Variants in FANCA observed in about 807,000 individuals in gnomAD.
The protein encoded by FANCA is FA complementation group A.
FANCA carries 236 observed loss-of-function variants against 194.3 expected under a neutral mutation model. The ratio of observed to expected loss-of-function variants is 1.21; its 90% CI spans 1.09 to 1.35. The LOEUF (loss-of-function observed/expected upper bound fraction) is 1.35. Ranked by LOEUF, FANCA falls within the 40% of genes most tolerant of loss-of-function variation. The pLI is 0.00. For missense variants in FANCA, 2,628 were observed against 1,813.9 expected, an observed-to-expected ratio of 1.45 and a Z score of -8.15; for synonymous variants, 1,014 against 715.8, an observed-to-expected ratio of 1.42 and a Z score of -6.65.
chr16:89,803,147 C>T (rs749701384), intron 8 of FANCA, 112 bp downstream of exon 8: 29 of 1,054,502 alleles, frequency 2.8e-5, no homozygotes, highest in African/African-American at 7.8e-5. Flanking sequence ...ACATGTACCC[C>T]GTAAATAGGT....
Position 89,815,991 on chromosome 16 carries a change from G to C in FANCA, c.80-5C>G, listed in dbSNP as rs777687671. On this transcript the variant is annotated splice_region_variant and splice_polypyrimidine_tract_variant and intron_variant, in intron 1 of 42. Coordinates refer to ENST00000389301, the MANE Select transcript of FANCA (RefSeq NM_000135.4). ...TTTCCCTCTTGACCCTTCCCGCTAC[G>C]GAGAGAAGTCGGTTCGAAACCATCA... 2.5e-6 allele frequency: 4 copies of C among 1,608,262 alleles called. No homozygotes were observed. Among genetic ancestry groups the C allele is most frequent in the Middle Eastern group, 1.7e-4 (1 of 6,050 alleles).
intron 18 of FANCA, 96 bp from the exon 19 acceptor site, chr16:89,779,099 G>T: frequency 2.6e-6 from 3 of 1,175,774 alleles, no homozygotes; most frequent in Non-Finnish European, 2.5e-6. Context: ...GACTGCGAGG[G>T]CTCACTCCAA....
rs2040601499 is a variant in FANCA, at chr16:89,805,370, C to T, written c.619G>A (p.Gly207Arg). 1.2e-6 allele frequency: 2 copies of T among 1,613,820 alleles called. No individual in the cohort carries two copies. Among genetic ancestry groups the T allele is most frequent in the South Asian group, 1.1e-5 (1 of 91,056 alleles). Residue 207 changes from glycine to arginine, a missense_variant, in exon 7 of 43, where the codon GGA becomes AGA. Transcript: ENST00000389301. ...CACAGATTCCTGAAGAGCCACGATCCCACAGCATGCATGTCGGGATGGCTG... is the reference window on the plus strand; with the variant it reads ...CACAGATTCCTGAAGAGCCACGATCTCACAGCATGCATGTCGGGATGGCTG... ...LESHPDMHAV[G>R]SWLFRNLCCL...
Position 89,749,902 on chromosome 16 carries a change from C to T in FANCA, c.3067G>A (p.Glu1023Lys). Reference sequence around the variant, plus strand: ...TGCAGCTCCAGGTCAGCTACCATCTCCTGAAAAAGAGCAGTATGCTGGCAC... The same window carrying T: ...TGCAGCTCCAGGTCAGCTACCATCTTCTGAAAAAGAGCAGTATGCTGGCAC... ...GNEDIISRLQEMVADLELQQD... is the reference protein window; with the variant it reads ...GNEDIISRLQKMVADLELQQD... Residue 1023 changes from glutamate to lysine, a missense_variant and splice_region_variant, in exon 32 of 43, where the codon GAG becomes AAG. Coordinates refer to ENST00000389301, the MANE Select transcript of FANCA (RefSeq NM_000135.4). 1 of 1,614,058 alleles carries T rather than the reference C, an allele frequency of 6.2e-7. No individual in the cohort carries two copies.
At chr16:89,796,675 G>A (rs2040259174) in intron 10 of FANCA, among the ~76,000 whole-genome samples, 2 of 152,164 alleles carry the variant, frequency 1.3e-5, no homozygotes, top group Non-Finnish European at 2.9e-5. Context: ...CTCTCGTGAG[G>A]CTTACAACCT....
chr16:89,774,906 C>T (rs1177980102), intron 21 of FANCA, among the ~76,000 whole-genome samples: 1 of 151,676 alleles, frequency 6.6e-6, no homozygotes, highest in East Asian at 1.9e-4. Flanking sequence ...CCAGCTTGTC[C>T]AACATGGCGA....
At chr16:89,770,145 C>A (rs1237530433) in intron 25 of FANCA, 21 bp downstream of exon 25, 4 of 1,576,404 alleles carry the variant, frequency 2.5e-6, no homozygotes, top group Non-Finnish European at 3.4e-6. Context: ...CAAGGGTGGC[C>A]CCCATGAAGG....
intron 30 of FANCA, among the ~76,000 whole-genome samples, chr16:89,754,897 C>A (rs914268673): frequency 5.9e-5 from 9 of 152,098 alleles, no homozygotes; most frequent in African/African-American, 2.2e-4. Flanking sequence ...CAAGCTCATC[C>A]CAAAATTAAG....
At chr16:89,781,708 G>A (rs1598133713) in intron 17 of FANCA, among the ~76,000 whole-genome samples, 2 of 137,954 alleles carry the variant, frequency 1.4e-5, no homozygotes, top group South Asian at 2.4e-4. Context: ...AGTAAAGAAT[G>A]TTTTCATTAG....
At position 89,792,469 on chromosome 16, in the gene FANCA, A is replaced by C. The variant is rs2040108520; in HGVS notation, c.1083+2T>G. The C allele has an allele frequency of 6.2e-7, 1 of 1,612,784 alleles. No homozygotes were observed. The highest frequency in any genetic ancestry group is 8.5e-7 in the Non-Finnish European group (1 of 1,179,748). ...AGCAGGTATAATACCACATCCACTC[A>C]CCCTGCGGTACAGTGAGGTGAGCAG... is the stretch of plus-strand genomic sequence containing the variant. On this transcript the variant is annotated splice_donor_variant, in intron 12 of 42. Transcript: ENST00000389301. LOFTEE classifies it high-confidence loss of function.
rs56062548 is a variant in FANCA at position 89,796,009 on chromosome 16, C to A, written c.903G>T (p.Val301=). ...CACTGCCAAGCGTGTGTCCACTGAA[C>A]ACTCCGAACCTGCCAATGCAGCAGA... ...THKIVRCWFG[V]FSGHTLGSVI... The change falls in exon 11 of 43, where the codon GTG becomes GTT. Residue 301 remains valine (V), a synonymous_variant. Transcript: ENST00000389301. 1,119 of 1,613,872 alleles carry A rather than the reference C, an allele frequency of 6.9e-4. 5 individuals carry two copies. The African/African-American group carries it at 0.013, about 19-fold the overall frequency.
At chr16:89,755,870 GAC>G (rs961270177) in intron 30 of FANCA, among the ~76,000 whole-genome samples, 1 of 149,544 alleles carries the variant, frequency 6.7e-6, no homozygotes, top group Non-Finnish European at 1.5e-5. Context: ...CCACCGCACA[GAC>G]ACAGACCGGA....
intron 6 of FANCA, 58 bp from the exon 7 acceptor site, chr16:89,805,450 T>C: frequency 7.0e-7 from 1 of 1,419,940 alleles, no homozygotes; most frequent in East Asian, 2.3e-5. Context: ...ATCAGGGGAT[T>C]GAGTTGAGCC....
chr16:89,746,919 A>T, intron 33 of FANCA, 29 bp from the exon 34 acceptor site: 1 of 1,549,180 alleles, frequency 6.5e-7, no homozygotes, highest in Non-Finnish European at 8.7e-7. Flanking sequence ...CAGGTAAGAA[A>T]AGCCCACAGG....
intron 14 of FANCA, among the ~76,000 whole-genome samples, chr16:89,785,858 G>GTTT (rs1469531630): frequency 7.2e-6 from 1 of 138,040 alleles, no homozygotes; most frequent in Non-Finnish European, 1.5e-5. Flanking sequence ...ATTGTGTTTT[G>GTTT]TTTTTTTTTT....
At chr16:89,760,039 A>G (rs1598093897) in intron 29 of FANCA, among the ~76,000 whole-genome samples, 1 of 152,072 alleles carries the variant, frequency 6.6e-6, no homozygotes, top group Non-Finnish European at 1.5e-5. Flanking sequence ...CTCCACCCAC[A>G]CTGTCTGGAA....
intron 3 of FANCA, among the ~76,000 whole-genome samples, chr16:89,812,044 A>G (rs1168697814): frequency 6.7e-6 from 1 of 149,504 alleles, no homozygotes; most frequent in African/African-American, 2.5e-5. Flanking sequence ...TTAATTGTTT[A>G]AAGAAACCGG....
Position 89,770,212 on chromosome 16 carries a change from A to T in FANCA, c.2270T>A (p.Val757Glu). The T allele has an allele frequency of 6.3e-7, 1 of 1,593,214 alleles. No homozygotes were observed. The highest frequency in any genetic ancestry group is 8.5e-7 in the Non-Finnish European group (1 of 1,170,516). Residue 757 changes from valine to glutamate, a missense_variant, in exon 25 of 43, where the codon GTG (valine) becomes GAG (glutamate). By Grantham distance (121) the Val-to-Glu change is moderately radical. Transcript: ENST00000389301. ...ALFVRTMCGR[V>E]LPAVLTRLCQ... ...GAGCCGGGTGAGCACTGCAGGGAGC[A>T]CACGTCCACACATGGTCCTCACGAA...
At chr16:89,746,519 A>G in intron 35 of FANCA, 65 bp downstream of exon 35, 4 of 1,269,594 alleles carry the variant, frequency 3.2e-6, no homozygotes, top group Non-Finnish European at 4.6e-6. Flanking sequence ...CAGAGATGCC[A>G]GAGGCAGCTG....
Sources: gnomAD v4.1 joint callset for allele counts (sites outside exome capture counted in the v4.1 genomes callset) on GRCh38, gnomAD v4.1.1 for gene constraint, MANE v1.5 for transcripts, NCBI Gene and HGNC (gene_info 2026-07-23, HGNC 2026-07-21) for gene names.